Variants in OR4E2 observed in about 807,000 individuals in gnomAD.
OR4E2 encodes the protein olfactory receptor family 4 subfamily E member 2.
In OR4E2, 9 loss-of-function variants were observed where a neutral mutation model predicts 11.0. The observed-to-expected ratio is 0.82, with a 90% CI of 0.49 to 1.43. The LOEUF is 1.43. Among genes scored for constraint, OR4E2 ranks in the 40% most tolerant of loss-of-function variants. OR4E2 has a pLI of 0.00. For synonymous variants in OR4E2, 159 were observed against 147.3 expected (o/e 1.08, Z -0.57); for missense variants, 441 against 382.0 (o/e 1.15, Z -1.29).
chr14:21,657,376 TCC>T (rs1428923558), intron 2 of OR4E2, among the ~76,000 whole-genome samples: 18 of 147,626 alleles, frequency 1.2e-4, no homozygotes, highest in East Asian at 7.9e-4. Flanking sequence ...CTTCCTTCCT[TCC>T]TTCCTTCCTT....
At chr14:21,664,631 C>T (rs190657617) in intron 3 of OR4E2, among the ~76,000 whole-genome samples, 6 of 152,208 alleles carry the variant, frequency 3.9e-5, no homozygotes, top group Admixed American at 3.9e-4. Context: ...AGGACACTCA[C>T]ATTGAAAAAA....
chr14:21,665,076 T>C lies in OR4E2; in HGVS notation c.-7T>C. ...AGCTTTCATTTTTTCCCCCCTAAGC[T>C]CATTGAATGGACAGTCTAAACCAAA... is the stretch of plus-strand genomic sequence containing the variant. On this transcript the variant is annotated splice_region_variant and 5_prime_UTR_variant, in exon 4 of 4. Coordinates refer to ENST00000641524, the MANE Select transcript of OR4E2 (RefSeq NM_001001912.3). 6.5e-7 allele frequency: 1 copy of C among 1,539,622 alleles called. No individual in the cohort carries two copies. The highest frequency in any genetic ancestry group is 8.9e-7 in the Non-Finnish European group (1 of 1,123,300).
intron 3 of OR4E2, among the ~76,000 whole-genome samples, 171 bp from the exon 4 acceptor site, chr14:21,664,904 A>G (rs1566587915): frequency 6.6e-6 from 1 of 152,226 alleles, no homozygotes; most frequent in Non-Finnish European, 1.5e-5. Flanking sequence ...AGTGCCTGGC[A>G]TGGCTCCTGG....
chr14:21,653,905 C>T lies in OR4E2; in HGVS notation c.-225C>T, dbSNP rs186715413. Reference sequence around the variant, plus strand: ...GGCTTCTATAATAGGGTATCAGAGGCGAATGGAATCATTAGAGGAGATACA... The same window carrying T: ...GGCTTCTATAATAGGGTATCAGAGGTGAATGGAATCATTAGAGGAGATACA... On this transcript the variant is annotated 5_prime_UTR_variant, in exon 1 of 4. Transcript: ENST00000641524. 4 of 151,912 alleles carry T rather than the reference C, an allele frequency of 2.6e-5. No homozygotes were observed. Among genetic ancestry groups the T allele is most frequent in the South Asian group, 2.1e-4 (1 of 4,800 alleles). The allele number at this position is 151,912 out of a possible 1,614,324, so 9.4% of individuals were successfully genotyped here.
At chr14:21,660,936 T>G (rs555109953) in intron 3 of OR4E2, among the ~76,000 whole-genome samples, 190 bp downstream of exon 3, 1 of 152,194 alleles carries the variant, frequency 6.6e-6, no homozygotes, top group East Asian at 1.9e-4. Flanking sequence ...ACACTTATGA[T>G]ATAATACTGA....
At chr14:21,660,235 C>T (rs913512148) in intron 2 of OR4E2, among the ~76,000 whole-genome samples, 3 of 152,056 alleles carry the variant, frequency 2.0e-5, no homozygotes, top group East Asian at 1.9e-4. Context: ...ATAGGGTTTG[C>T]GATTGAGGAT....
chr14:21,665,645 C>G lies in OR4E2; in HGVS notation c.563C>G (p.Ala188Gly). Residue 188 changes from alanine to glycine, a missense_variant, in exon 4 of 4, where the codon GCC (alanine) becomes GGC (glycine). By Grantham distance (60) the Ala-to-Gly change is moderately conservative. Coordinates refer to ENST00000641524, the MANE Select transcript of OR4E2 (RefSeq NM_001001912.3). ...GATGTGCCTCTTGTTATCAAGCTGGCCTGCACAGATACATACCTCACAGGA... is the reference window on the plus strand; with the variant it reads ...GATGTGCCTCTTGTTATCAAGCTGGGCTGCACAGATACATACCTCACAGGA... Reference protein sequence around the residue: ...FCDVPLVIKLACTDTYLTGIL... With the variant: ...FCDVPLVIKLGCTDTYLTGIL... 1 of 1,614,096 alleles carries G rather than the reference C, an allele frequency of 6.2e-7. No individual in the cohort carries two copies. The highest frequency in any genetic ancestry group is 1.3e-5 in the African/African-American group (1 of 75,012).
At position 21,665,915 on chromosome 14, in the gene OR4E2, T is replaced by G; in HGVS notation, c.833T>G (p.Val278Gly). ...GTGGTGTCTGTCTTCTACACAGTGG[T>G]CACCCCTTTGCTGAATCCCTTCATT... ...DKVVSVFYTV[V>G]TPLLNPFIYT... Residue 278 changes from valine (V) to glycine (G), a missense_variant, in exon 4 of 4, where the codon GTC (valine) becomes GGC (glycine). By Grantham distance (109) the Val-to-Gly change is moderately radical. Coordinates refer to ENST00000641524, the MANE Select transcript of OR4E2 (RefSeq NM_001001912.3). The G allele has an allele frequency of 6.2e-7, 1 of 1,612,954 alleles. No individual in the cohort carries two copies. Among genetic ancestry groups the G allele is most frequent in the Non-Finnish European group, 8.5e-7 (1 of 1,179,610 alleles).
intron 1 of OR4E2, among the ~76,000 whole-genome samples, chr14:21,654,977 C>G (rs538178179): frequency 4.6e-5 from 7 of 152,114 alleles, no homozygotes; most frequent in African/African-American, 1.7e-4. Context: ...CATGAAGCCT[C>G]GCCACATTAT....
At chr14:21,657,571 CT>C (rs1174671317) in intron 2 of OR4E2, among the ~76,000 whole-genome samples, 5 of 140,728 alleles carry the variant, frequency 3.6e-5, no homozygotes, top group Admixed American at 2.3e-4. Context: ...CTCTCTCTCT[CT>C]CTCCCCCTTC....
intron 2 of OR4E2, among the ~76,000 whole-genome samples, chr14:21,656,884 C>T (rs578139399): frequency 3.3e-5 from 5 of 152,176 alleles, no homozygotes; most frequent in Non-Finnish European, 5.9e-5. Flanking sequence ...TCTGGGGTTA[C>T]GACTTGTCAC....
At chr14:21,656,263 G>T (rs922402572) in intron 1 of OR4E2, among the ~76,000 whole-genome samples, 1 of 152,208 alleles carries the variant, frequency 6.6e-6, no homozygotes, top group East Asian at 1.9e-4. Context: ...GGGAGGTTGA[G>T]ATGGGAGAAT....
chr14:21,659,493 T>C (rs1425512796), intron 2 of OR4E2, among the ~76,000 whole-genome samples: 1 of 152,142 alleles, frequency 6.6e-6, no homozygotes, highest in Non-Finnish European at 1.5e-5. Context: ...CCATTTTATG[T>C]TTTTTTCTTT....
chr14:21,656,298 T>G (rs1435745641), intron 1 of OR4E2, among the ~76,000 whole-genome samples: 1 of 152,088 alleles, frequency 6.6e-6, no homozygotes, highest in Non-Finnish European at 1.5e-5. Flanking sequence ...AAGTTGAGGC[T>G]GCAATGAGCT....
At chr14:21,657,440 T>A (rs12884703) in intron 2 of OR4E2, among the ~76,000 whole-genome samples, 1 of 76,286 alleles carries the variant, frequency 1.3e-5, no homozygotes, top group Admixed American at 1.4e-4. Context: ...TTCTTCTTTC[T>A]TTCCTTCCTT....
intron 3 of OR4E2, among the ~76,000 whole-genome samples, chr14:21,661,819 C>A (rs1210840491): frequency 2.6e-5 from 4 of 152,142 alleles, no homozygotes; most frequent in Non-Finnish European, 5.9e-5. Context: ...TGTTATTCTA[C>A]TAAAAAGTCT....
At position 21,657,385 on chromosome 14, in the gene OR4E2, CCTTT is replaced by C. The variant is rs1215561664; in HGVS notation, c.-103+804_-103+807del. On this transcript the variant is annotated intron_variant, in intron 2 of 3. Transcript: ENST00000641524. The stretch of plus-strand genomic sequence containing the variant: ...TCCTTCCTTCCTTCCTTCCTTCCTT[CCTTT>C]CTTTCTTCCTTCCTTCCTTTCTTTC... Among the ~76,000 whole-genome samples the C allele has an allele frequency of 7.1e-3, 770 of 108,398 alleles. 10 individuals are homozygous for C. Among genetic ancestry groups the C allele is most frequent in the Middle Eastern group, 0.027 (5 of 186 alleles). The allele number at this position is 108,398 out of a possible 152,430, so 71.1% of individuals were successfully genotyped here.
At chr14:21,663,557 C>A (rs1465019807) in intron 3 of OR4E2, among the ~76,000 whole-genome samples, 4 of 151,708 alleles carry the variant, frequency 2.6e-5, no homozygotes, top group African/African-American at 7.3e-5. Flanking sequence ...AGGTCAAGGA[C>A]CATAAAAGAA....
intron 3 of OR4E2, among the ~76,000 whole-genome samples, chr14:21,663,097 T>C (rs1880424262): frequency 6.6e-6 from 1 of 152,184 alleles, no homozygotes; most frequent in Non-Finnish European, 1.5e-5. Context: ...TTAGGTTCAG[T>C]TCAAGTAAAA....
Sources: allele counts gnomAD v4.1 joint callset (sites outside exome capture counted in the v4.1 genomes callset), GRCh38; gene constraint gnomAD v4.1.1; transcripts MANE v1.5; gene names NCBI Gene and HGNC (gene_info 2026-07-23, HGNC 2026-07-21).